CSMD1: variants seen among roughly 807,000 people sequenced by gnomAD.
The protein encoded by CSMD1 is CUB and Sushi multiple domains 1, also known as CUB and sushi domain-containing protein 1.
Under a neutral mutation model 417.5 loss-of-function variants are expected in CSMD1, and 213 were observed. The ratio of observed to expected loss-of-function variants is 0.51; its 90% CI spans 0.46 to 0.57. The LOEUF is 0.57. CSMD1 is among the 20% of genes least tolerant of loss of function. CSMD1 has a pLI of 0.00. For missense variants in CSMD1, 6,923 were observed against 4,529.7 expected (o/e 1.53, Z -15.17); for synonymous variants, 2,862 against 1,736.8 (o/e 1.65, Z -16.11).
chr8:3,297,293 G>C (rs1432094521), intron 25 of CSMD1, among the ~76,000 whole-genome samples: 2 of 152,020 alleles, frequency 1.3e-5, no homozygotes, highest in Admixed American at 1.3e-4. Context: ...TAAAAATCCA[G>C]GCAATTTCTT....
intron 23 of CSMD1, among the ~76,000 whole-genome samples, chr8:3,324,711 C>T (rs77646597): frequency 0.046 from 6,937 of 151,516 alleles, 344 homozygotes; most frequent in East Asian, 0.21. Context: ...AATAGGCCCA[C>T]ATCTAACCCC....
chr8:4,157,884 C>G (rs1312818433), intron 3 of CSMD1, among the ~76,000 whole-genome samples: 2 of 152,134 alleles, frequency 1.3e-5, no homozygotes, highest in South Asian at 2.1e-4. Flanking sequence ...ATCCTCCCCA[C>G]AGGACAACAG....
chr8:3,622,963 T>A (rs560425677), intron 7 of CSMD1, among the ~76,000 whole-genome samples: 2 of 152,226 alleles, frequency 1.3e-5, no homozygotes, highest in African/African-American at 4.8e-5. Flanking sequence ...TGTTGAATTA[T>A]ATCTTTTCAG....
intron 1 of CSMD1, among the ~76,000 whole-genome samples, chr8:4,939,159 A>C (rs1404355469): frequency 6.6e-6 from 1 of 152,046 alleles, no homozygotes. Flanking sequence ...TCATTTGTCT[A>C]TTTTTGCTTC....
intron 11 of CSMD1, 131 bp from the exon 12 acceptor site, chr8:3,468,955 A>T (rs1011285220): frequency 1.7e-6 from 1 of 593,132 alleles, no homozygotes; most frequent in African/African-American, 1.9e-5. Context: ...TCTTTCAAAG[A>T]CTGTACAGCC....
intron 16 of CSMD1, among the ~76,000 whole-genome samples, chr8:3,396,834 A>AC (rs1811730677): frequency 6.6e-6 from 1 of 152,164 alleles, no homozygotes; most frequent in Non-Finnish European, 1.5e-5. Context: ...CATCTCTTAA[A>AC]CAAAGAAGAT....
intron 5 of CSMD1, among the ~76,000 whole-genome samples, chr8:3,778,650 A>C (rs888889419): frequency 6.6e-6 from 1 of 152,150 alleles, no homozygotes; most frequent in African/African-American, 2.4e-5. Flanking sequence ...ACCTTTCTCC[A>C]GGTTGTTTCT....
At chr8:3,515,237 G>C (rs904355878) in intron 10 of CSMD1, 1 of 152,134 alleles carries the variant, frequency 6.6e-6, no homozygotes, top group African/African-American at 2.4e-5. Context: ...CATCCTATTT[G>C]TCCTTAATAT....
intron 1 of CSMD1, among the ~76,000 whole-genome samples, chr8:4,873,520 G>A (rs755846953): frequency 1.3e-5 from 2 of 152,070 alleles, no homozygotes; most frequent in South Asian, 2.1e-4. Flanking sequence ...GCTTCAACTT[G>A]TGTGTAGTAT....
At chr8:4,146,657 G>T (rs1052487066) in intron 3 of CSMD1, among the ~76,000 whole-genome samples, 4 of 121,760 alleles carry the variant, frequency 3.3e-5, no homozygotes, top group Non-Finnish European at 6.4e-5. Flanking sequence ...CGTCCCCCAG[G>T]CTGGAGCGCA....
At chr8:3,853,195 C>T (rs1160515790) in intron 5 of CSMD1, among the ~76,000 whole-genome samples, 3 of 152,114 alleles carry the variant, frequency 2.0e-5, no homozygotes, top group African/African-American at 7.2e-5. Context: ...CCTTCCTTCA[C>T]GATTGCATGT....
chr8:4,899,548 T>G (rs1326698303), intron 1 of CSMD1, among the ~76,000 whole-genome samples: 1 of 151,942 alleles, frequency 6.6e-6, no homozygotes, highest in Non-Finnish European at 1.5e-5. Flanking sequence ...TCTATATCAC[T>G]CTTTCTTGTC....
intron 12 of CSMD1, among the ~76,000 whole-genome samples, chr8:3,411,058 G>C (rs1284085979): frequency 1.3e-5 from 2 of 152,154 alleles, no homozygotes; most frequent in Non-Finnish European, 2.9e-5. Flanking sequence ...GAGCAGAAGG[G>C]AGGCCCTGCC....
chr8:3,290,955 G>C (rs1236637579), intron 25 of CSMD1, among the ~76,000 whole-genome samples: 1 of 152,150 alleles, frequency 6.6e-6, no homozygotes, highest in Non-Finnish European at 1.5e-5. Flanking sequence ...GATATTGGCT[G>C]TGGGTTTGTC....
At chr8:3,204,762 C>T (rs557419144) in intron 31 of CSMD1, among the ~76,000 whole-genome samples, 2 of 152,276 alleles carry the variant, frequency 1.3e-5, no homozygotes, top group South Asian at 4.1e-4. Context: ...AAATAAAAAC[C>T]TTGACTATGT....
chr8:4,507,973 G>C (rs1802614920), intron 2 of CSMD1, among the ~76,000 whole-genome samples: 4 of 151,864 alleles, frequency 2.6e-5, no homozygotes, highest in Admixed American at 2.6e-4. Flanking sequence ...AGAGACAAGT[G>C]TGAGAATCCT....
At chr8:4,363,600 A>G (rs1484590845) in intron 3 of CSMD1, among the ~76,000 whole-genome samples, 1 of 152,172 alleles carries the variant, frequency 6.6e-6, no homozygotes, top group Non-Finnish European at 1.5e-5. Context: ...CCCATTTCAA[A>G]GAGACAACAT....
chr8:4,545,798 C>T (rs571275658), intron 2 of CSMD1, among the ~76,000 whole-genome samples: 1 of 152,340 alleles, frequency 6.6e-6, no homozygotes, highest in South Asian at 2.1e-4. Context: ...AAATCCATTG[C>T]AGAGCAAACT....
intron 1 of CSMD1, among the ~76,000 whole-genome samples, chr8:4,960,579 A>G (rs956269253): frequency 5.3e-5 from 8 of 152,190 alleles, no homozygotes; most frequent in African/African-American, 1.7e-4. Context: ...TTCATACACA[A>G]TAGATAGAAT....
Sources: gnomAD v4.1 joint callset for allele counts (sites outside exome capture counted in the v4.1 genomes callset) on GRCh38, gnomAD v4.1.1 for gene constraint, MANE v1.5 for transcripts, NCBI Gene and HGNC (gene_info 2026-07-23, HGNC 2026-07-21) for gene names.